Variants in ABLIM2 observed in about 807,000 individuals in gnomAD.
ABLIM2 encodes the protein actin binding LIM protein family member 2.
Under a neutral mutation model 97.7 loss-of-function variants are expected in ABLIM2, and 53 were observed. The ratio of observed to expected loss-of-function variants is 0.54; its 90% CI spans 0.44 to 0.68. The LOEUF (loss-of-function observed/expected upper bound fraction) is 0.68. Ranked by LOEUF, ABLIM2 falls within the 30% of genes least tolerant of loss-of-function variation. ABLIM2 has a pLI of 0.00. For synonymous variants in ABLIM2, 361 were observed against 345.8 expected, an observed-to-expected ratio of 1.04 and a Z score of -0.49; for missense variants, 835 against 867.2, an observed-to-expected ratio of 0.96 and a Z score of 0.47.
chr4:8,000,535 G>C (rs1451954300), intron 16 of ABLIM2, among the ~76,000 whole-genome samples: 1 of 152,178 alleles, frequency 6.6e-6, no homozygotes, highest in African/African-American at 2.4e-5. Context: ...GACGGGCTGG[G>C]ATTGAATTGT....
At chr4:8,051,154 C>T (rs1011575531) in intron 8 of ABLIM2, among the ~76,000 whole-genome samples, 3 of 152,230 alleles carry the variant, frequency 2.0e-5, no homozygotes, top group Non-Finnish European at 2.9e-5. Context: ...CGGGAGCTGT[C>T]GCCAGCCACC....
intron 16 of ABLIM2, among the ~76,000 whole-genome samples, chr4:8,000,938 G>C (rs1252953088): frequency 6.6e-6 from 1 of 152,212 alleles, no homozygotes; most frequent in Non-Finnish European, 1.5e-5. Context: ...TTCAAGGCCG[G>C]GCACCTTATG....
intron 1 of ABLIM2, among the ~76,000 whole-genome samples, chr4:8,129,643 TTGCAAGACAAGTATA>T (rs1287507339): frequency 6.6e-6 from 1 of 152,048 alleles, no homozygotes; most frequent in African/African-American, 2.4e-5. Context: ...ATGACTGTGT[TTGCAAGACAAGTATA>T]TGCACAGATG....
intron 16 of ABLIM2, among the ~76,000 whole-genome samples, chr4:7,993,715 T>A (rs113867386): frequency 6.6e-6 from 1 of 152,066 alleles, no homozygotes; most frequent in East Asian, 1.9e-4. Context: ...TTGCTTGCAA[T>A]TGGGGGGCTT....
At chr4:8,129,845 C>T (rs774498902) in intron 1 of ABLIM2, among the ~76,000 whole-genome samples, 29 of 152,174 alleles carry the variant, frequency 1.9e-4, no homozygotes, top group Non-Finnish European at 3.2e-4. Context: ...CGCCATTGTA[C>T]GGATGGGAGT....
chr4:8,127,928 AC>A lies in ABLIM2; in HGVS notation c.11-21292del, dbSNP rs956374489. ...TAGGGGCAGCAATAGTGAGCTCACA[AC>A]CCCCACAGCCCCGCGTGCTGGGAGT... On this transcript the variant is annotated intron_variant, in intron 1 of 20. Coordinates refer to ENST00000447017, the MANE Select transcript of ABLIM2 (RefSeq NM_001130083.2). The surrounding 1 kb of genome is among the most constrained non-coding windows in gnomAD (Gnocchi z 7.3). Among the ~76,000 whole-genome samples, 2 of 151,916 alleles carry A rather than the reference AC, an allele frequency of 1.3e-5. No homozygotes were observed. Among genetic ancestry groups the A allele is most frequent in the African/African-American group, 4.8e-5 (2 of 41,330 alleles).
chr4:8,065,103 T>C (rs1580293237), intron 6 of ABLIM2, among the ~76,000 whole-genome samples: 1 of 151,940 alleles, frequency 6.6e-6, no homozygotes, highest in African/African-American at 2.4e-5. Flanking sequence ...AATTGAAAAA[T>C]TAGCCAGGCA....
At position 8,032,365 on chromosome 4, in the gene ABLIM2, G is replaced by A. The variant is rs1380689626; in HGVS notation, c.1048-2589C>T. ...CCAGGATCCTGAATTTTCCCCTAAA[G>A]GAAGCCACGGCCCAGACCACGATCT... On this transcript the variant is annotated intron_variant, in intron 10 of 20. Coordinates refer to ENST00000447017, the MANE Select transcript of ABLIM2 (RefSeq NM_001130083.2). This position sits in a 1 kb window ranked among gnomAD's most constrained non-coding sequence, Gnocchi z 4.3. Among the ~76,000 whole-genome samples, 3 of 152,180 alleles carry A rather than the reference G, an allele frequency of 2.0e-5. No homozygotes were observed. Among genetic ancestry groups the A allele is most frequent in the Non-Finnish European group, 4.4e-5 (3 of 68,036 alleles).
At chr4:7,978,493 C>T (rs1426613274) in intron 20 of ABLIM2, among the ~76,000 whole-genome samples, 2 of 152,186 alleles carry the variant, frequency 1.3e-5, no homozygotes, top group Admixed American at 6.5e-5. Flanking sequence ...TACTACAGTT[C>T]CAAGAGGGTT....
rs1477292780 is a variant in ABLIM2, at chr4:8,054,153, AG to A, written c.822+34del. On this transcript the variant is annotated intron_variant, in intron 8 of 20. Transcript: ENST00000447017. This position sits in a 1 kb window ranked among gnomAD's most constrained non-coding sequence, Gnocchi z 4.9. ...TACAAAGATGGTGCAGGAGCAGTGAAGGGTACATCAGAGACACCAGTGAATG... is the reference window on the plus strand; with the variant it reads ...TACAAAGATGGTGCAGGAGCAGTGAAGGTACATCAGAGACACCAGTGAATG... The A allele has an allele frequency of 6.2e-7, 1 of 1,608,828 alleles. No individual in the cohort carries two copies. The highest frequency in any genetic ancestry group is 1.7e-5 in the Admixed American group (1 of 60,008).
intron 2 of ABLIM2, among the ~76,000 whole-genome samples, chr4:8,100,164 T>G (rs954127406): frequency 6.6e-6 from 1 of 152,064 alleles, no homozygotes; most frequent in Non-Finnish European, 1.5e-5. Context: ...ATGTGAAAAC[T>G]TTTCCCGCCC....
At chr4:7,978,084 T>G (rs773978533) in intron 20 of ABLIM2, among the ~76,000 whole-genome samples, 99 of 152,080 alleles carry the variant, frequency 6.5e-4, no homozygotes, top group Non-Finnish European at 1.3e-3. Flanking sequence ...ACAGTTAAGA[T>G]TTTTTAAATA....
At position 8,032,571 on chromosome 4, in the gene ABLIM2, T is replaced by C; in HGVS notation, c.1048-2795A>G. ...CCACCGAGGAGGCCCTTCCCGGGAG[T>C]GCGGCTGGGTGGTTATGTTTATAAC... On this transcript the variant is annotated intron_variant, in intron 10 of 20. Transcript: ENST00000447017. The surrounding 1 kb of genome is among the most constrained non-coding windows in gnomAD (Gnocchi z 4.3). 6.3e-7 allele frequency: 1 copy of C among 1,589,050 alleles called. No homozygotes were observed. Among genetic ancestry groups the C allele is most frequent in the Non-Finnish European group, 8.6e-7 (1 of 1,161,494 alleles).
intron 17 of ABLIM2, among the ~76,000 whole-genome samples, chr4:7,991,783 G>A (rs1051979754): frequency 5.3e-5 from 8 of 152,090 alleles, no homozygotes; most frequent in Non-Finnish European, 2.9e-5. Flanking sequence ...CTGGGCCTTG[G>A]ACAAAAACAC....
chr4:8,102,548 T>C (rs966216271), intron 2 of ABLIM2, among the ~76,000 whole-genome samples: 4 of 152,224 alleles, frequency 2.6e-5, no homozygotes, highest in Non-Finnish European at 5.9e-5. Context: ...TAAATAGTTA[T>C]TGAATGACTT....
At chr4:8,102,845 GC>G (rs1334822496) in intron 2 of ABLIM2, among the ~76,000 whole-genome samples, 1 of 152,220 alleles carries the variant, frequency 6.6e-6, no homozygotes, top group African/African-American at 2.4e-5. Flanking sequence ...TCAGCCACGA[GC>G]CCCCCGTTCC....
At chr4:8,035,332 A>G (rs987527581) in intron 10 of ABLIM2, among the ~76,000 whole-genome samples, 1 of 152,124 alleles carries the variant, frequency 6.6e-6, no homozygotes, top group Non-Finnish European at 1.5e-5. Context: ...CACCATCCGC[A>G]TCGAACGCGC....
At chr4:8,152,320 A>G (rs1713213360) in intron 1 of ABLIM2, among the ~76,000 whole-genome samples, 1 of 152,148 alleles carries the variant, frequency 6.6e-6, no homozygotes, top group African/African-American at 2.4e-5. Flanking sequence ...CAGCGCTGCC[A>G]TTTACAAATC....
At chr4:8,131,783 T>TGA (rs1849448802) in intron 1 of ABLIM2, among the ~76,000 whole-genome samples, 1 of 49,016 alleles carries the variant, frequency 2.0e-5, no homozygotes, top group African/African-American at 1.2e-4. Flanking sequence ...CCGCATCCCC[T>TGA]GCACAGCAGC....
Sources: gnomAD v4.1 joint callset for allele counts (sites outside exome capture counted in the v4.1 genomes callset) on GRCh38, gnomAD v4.1.1 for gene constraint, Gnocchi (gnomAD v3.1) non-coding constraint, MANE v1.5 for transcripts, NCBI Gene and HGNC (gene_info 2026-07-23, HGNC 2026-07-21) for gene names.